PCSK5: variants seen among roughly 807,000 people sequenced by gnomAD.
The protein encoded by PCSK5 is proprotein convertase subtilisin/kexin type 5, also known as prohormone convertase 5.
A neutral mutation model predicts 233.2 loss-of-function variants in PCSK5; 129 were observed. The observed-to-expected ratio is 0.55, with a 90% CI of 0.48 to 0.64. The LOEUF (loss-of-function observed/expected upper bound fraction) is 0.64, where lower values mean the gene tolerates loss of function less well. PCSK5 is among the 30% of genes least tolerant of loss of function. The probability of loss-of-function intolerance (pLI) is 0.00; values close to 1 mark genes in which losing one functional copy is unlikely to be tolerated. For synonymous variants in PCSK5, 825 were observed against 879.2 expected (o/e 0.94, Z 1.09); for missense variants, 2,076 against 2,430.1 (o/e 0.85, Z 3.06).
intron 15 of PCSK5, among the ~76,000 whole-genome samples, chr9:76,180,192 T>G (rs1823799815): frequency 1.3e-5 from 2 of 151,866 alleles, no homozygotes; most frequent in African/African-American, 4.8e-5. Flanking sequence ...ATACTTATCT[T>G]TTTTTGTGGC....
At chr9:76,229,732 C>G (rs898494277) in intron 21 of PCSK5, among the ~76,000 whole-genome samples, 1 of 152,236 alleles carries the variant, frequency 6.6e-6, no homozygotes. Context: ...GACATGCTGT[C>G]TCTTTCATTA....
At chr9:76,103,117 T>G (rs1269833555) in intron 8 of PCSK5, among the ~76,000 whole-genome samples, 1 of 152,204 alleles carries the variant, frequency 6.6e-6, no homozygotes. Flanking sequence ...ACAAAAAGCT[T>G]TCTTTAGTCT....
chr9:76,071,269 A>T (rs188772121), intron 6 of PCSK5, among the ~76,000 whole-genome samples: 8 of 152,358 alleles, frequency 5.3e-5, no homozygotes, highest in Admixed American at 5.2e-4. Flanking sequence ...AGGGGCTAAT[A>T]TTAAATATGG....
intron 24 of PCSK5, among the ~76,000 whole-genome samples, chr9:76,270,266 T>C (rs1827472957): frequency 6.6e-6 from 1 of 152,218 alleles, no homozygotes; most frequent in African/African-American, 2.4e-5. Context: ...TTGGTTTTCC[T>C]TTTTTCCAGC....
chr9:76,161,534 C>T (rs1257919784), intron 12 of PCSK5, among the ~76,000 whole-genome samples: 3 of 151,802 alleles, frequency 2.0e-5, no homozygotes, highest in African/African-American at 7.3e-5. Context: ...GTTTGCTTCA[C>T]ATGTGTGGAT....
chr9:76,140,348 G>A (rs1823159569), intron 10 of PCSK5, among the ~76,000 whole-genome samples: 1 of 152,090 alleles, frequency 6.6e-6, no homozygotes, highest in Non-Finnish European at 1.5e-5. Flanking sequence ...CTTTGAGGAA[G>A]CCAATTAGAG....
In PCSK5 at chr9:76,351,463, A is replaced by G. The variant is rs1183486522; in HGVS notation, c.5067+535A>G. Among the ~76,000 whole-genome samples the G allele has an allele frequency of 6.1e-3, 313 of 51,490 alleles. 29 individuals are homozygous for G. The highest frequency in any genetic ancestry group is 0.019 in the African/African-American group (302 of 15,824). The allele number at this position is 51,490 out of a possible 152,430, so 33.8% of individuals were successfully genotyped here. On this transcript the variant is annotated intron_variant, in intron 36 of 37. Transcript: ENST00000674117. ...TGAAAGAAAGGAAAGAAAGAAAGAAAGAAAGAAAGAAAGAAAGAAAGAAAG... is the reference window on the plus strand; with the variant it reads ...TGAAAGAAAGGAAAGAAAGAAAGAAGGAAAGAAAGAAAGAAAGAAAGAAAG...
At chr9:76,078,708 G>T (rs1830726941) in intron 7 of PCSK5, among the ~76,000 whole-genome samples, 2 of 152,262 alleles carry the variant, frequency 1.3e-5, no homozygotes, top group Admixed American at 6.5e-5. Flanking sequence ...CCAATGTCAT[G>T]CTGTTTTGGT....
At position 76,196,924 on chromosome 9, in the gene PCSK5, C is replaced by G. The variant is rs191341174; in HGVS notation, c.2626+7178C>G. Among the ~76,000 whole-genome samples the G allele has an allele frequency of 2.6e-3, 403 of 152,284 alleles. 2 individuals are homozygous for G. Among genetic ancestry groups the G allele is most frequent in the Admixed American group, 4.6e-3 (71 of 15,294 alleles). On this transcript the variant is annotated intron_variant, in intron 20 of 37. Coordinates refer to ENST00000674117, the MANE Select transcript of PCSK5 (RefSeq NM_001372043.1). ...TAACAGCAAGTAGTACATGCCAAATCTCAAATGAGTGGTACACTGAGTTGT... is the reference window on the plus strand; with the variant it reads ...TAACAGCAAGTAGTACATGCCAAATGTCAAATGAGTGGTACACTGAGTTGT...
chr9:76,291,931 G>T (rs1198070420), intron 24 of PCSK5, among the ~76,000 whole-genome samples: 1 of 152,122 alleles, frequency 6.6e-6, no homozygotes, highest in African/African-American at 2.4e-5. Flanking sequence ...AGGCCAGGGG[G>T]TTCTTAATGT....
chr9:75,961,928 G>C (rs1036250717), intron 2 of PCSK5, among the ~76,000 whole-genome samples: 1 of 152,170 alleles, frequency 6.6e-6, no homozygotes, highest in African/African-American at 2.4e-5. Flanking sequence ...CACTAATTCT[G>C]GTATTGATTA....
intron 20 of PCSK5, among the ~76,000 whole-genome samples, chr9:76,226,265 T>G (rs570465304): frequency 1.6e-4 from 24 of 152,306 alleles, no homozygotes; most frequent in Middle Eastern, 3.4e-3. Context: ...AAACTCTAGT[T>G]GTCTCTTCAC....
At chr9:76,291,710 G>GT (rs966378050) in intron 24 of PCSK5, among the ~76,000 whole-genome samples, 13 of 152,320 alleles carry the variant, frequency 8.5e-5, no homozygotes, top group African/African-American at 3.1e-4. Context: ...GAACAAGACA[G>GT]TTTTTTTAAG....
Position 76,332,436 on chromosome 9 carries a change from C to T in PCSK5, c.4574C>T (p.Thr1525Ile). 6.2e-7 allele frequency: 1 copy of T among 1,610,882 alleles called. No individual in the cohort carries two copies. Among genetic ancestry groups the T allele is most frequent in the Non-Finnish European group, 8.5e-7 (1 of 1,178,786 alleles). ...TCPMNSLLLNTTCVKDCPEGY... is the reference protein window; with the variant it reads ...TCPMNSLLLNITCVKDCPEGY... ...GACATTTTTTCTCCCATGACAGACACAACCTGTGTGAAGGACTGCCCAGAG... is the reference window on the plus strand; with the variant it reads ...GACATTTTTTCTCCCATGACAGACATAACCTGTGTGAAGGACTGCCCAGAG... The change falls in exon 34 of 38, where the codon ACA (threonine) becomes ATA (isoleucine). Residue 1525 changes from threonine to isoleucine, a missense_variant. By Grantham distance (89) the Thr-to-Ile change is moderately conservative. Transcript: ENST00000674117.
intron 24 of PCSK5, among the ~76,000 whole-genome samples, chr9:76,253,419 T>C (rs1458962051): frequency 6.6e-6 from 1 of 152,190 alleles, no homozygotes; most frequent in African/African-American, 2.4e-5. Context: ...AGAGCCTCCC[T>C]GCCCCCTCAT....
chr9:75,972,811 A>C (rs1413769573), intron 2 of PCSK5, among the ~76,000 whole-genome samples: 1 of 151,846 alleles, frequency 6.6e-6, no homozygotes, highest in African/African-American at 2.4e-5. Flanking sequence ...TCCTTCCCCC[A>C]CCTTTCAACT....
In PCSK5 at chr9:76,359,526, G is replaced by C. The variant is rs1830390067; in HGVS notation, c.*604G>C. On this transcript the variant is annotated 3_prime_UTR_variant, in exon 38 of 38. Transcript: ENST00000674117. ...GCTGGGCTGCTCAGGACCTACTTGA[G>C]ATAAGGGAAGAAAAGAGAAGGTGCA... 6.5e-6 allele frequency: 1 copy of C among 152,922 alleles called. No individual in the cohort carries two copies. The highest frequency in any genetic ancestry group is 2.4e-5 in the African/African-American group (1 of 41,422). The allele number at this position is 152,922 out of a possible 1,614,324, so 9.5% of individuals were successfully genotyped here.
intron 24 of PCSK5, among the ~76,000 whole-genome samples, chr9:76,290,133 A>G (rs1395628494): frequency 6.6e-6 from 1 of 152,238 alleles, no homozygotes; most frequent in Non-Finnish European, 1.5e-5. Flanking sequence ...TAAGCTGCCC[A>G]AATATAAGCT....
intron 30 of PCSK5, among the ~76,000 whole-genome samples, chr9:76,313,407 C>T (rs1442505344): frequency 2.0e-5 from 3 of 152,182 alleles, no homozygotes; most frequent in African/African-American, 7.2e-5. Flanking sequence ...TAGAAAGAAA[C>T]CCTATACCCT....
Sources: gnomAD v4.1 joint callset for allele counts (sites outside exome capture counted in the v4.1 genomes callset) on GRCh38, gnomAD v4.1.1 for gene constraint, MANE v1.5 for transcripts, NCBI Gene and HGNC (gene_info 2026-07-23, HGNC 2026-07-21) for gene names.